KLHL29: variants seen among roughly 807,000 people sequenced by gnomAD.
KLHL29 encodes the protein kelch like family member 29.
In KLHL29, 21 loss-of-function variants were observed where a neutral mutation model predicts 80.4. That is an observed-to-expected ratio of 0.26 (90% confidence interval 0.19 to 0.38). The LOEUF is 0.38. Ranked by LOEUF, KLHL29 falls within the 10% of genes least tolerant of loss-of-function variation. The probability of loss-of-function intolerance (pLI) is 1.00; values close to 1 mark genes in which losing one functional copy is unlikely to be tolerated. For synonymous variants in KLHL29, 511 were observed against 526.8 expected (o/e 0.97, Z 0.41); for missense variants, 867 against 1,223.9 (o/e 0.71, Z 4.35).
At chr2:23,632,892 T>C (rs1669506361) in intron 3 of KLHL29, among the ~76,000 whole-genome samples, 1 of 152,100 alleles carries the variant, frequency 6.6e-6, no homozygotes, top group Non-Finnish European at 1.5e-5. Context: ...CTCACCTAAG[T>C]GGGTTTGAGC....
intron 5 of KLHL29, among the ~76,000 whole-genome samples, chr2:23,670,853 C>A (rs1248804731): frequency 6.8e-6 from 1 of 147,572 alleles, no homozygotes; most frequent in East Asian, 2.1e-4. Context: ...GGGTCTTCCT[C>A]CTGGAAGACC....
At chr2:23,662,891 T>C (rs1381716681) in intron 5 of KLHL29, among the ~76,000 whole-genome samples, 1 of 152,128 alleles carries the variant, frequency 6.6e-6, no homozygotes, top group Non-Finnish European at 1.5e-5. Context: ...AAGCCGTAAA[T>C]GCAAGGCTTT....
At chr2:23,678,127 G>A (rs758764823) in intron 5 of KLHL29, among the ~76,000 whole-genome samples, 38 of 152,154 alleles carry the variant, frequency 2.5e-4, no homozygotes, top group African/African-American at 8.9e-4. Context: ...AACTTGTGTC[G>A]TTTGGTGAAA....
At chr2:23,600,378 A>C (rs995685456) in intron 3 of KLHL29, among the ~76,000 whole-genome samples, 1 of 152,202 alleles carries the variant, frequency 6.6e-6, no homozygotes, top group Admixed American at 6.5e-5. Flanking sequence ...CACTGTTGTT[A>C]AAACATGGAC....
At chr2:23,466,783 A>G (rs780638860) in intron 1 of KLHL29, among the ~76,000 whole-genome samples, 134 of 152,354 alleles carry the variant, frequency 8.8e-4, no homozygotes, top group Non-Finnish European at 9.1e-4. Flanking sequence ...TCAAGCTTGA[A>G]AAATAATGCA....
intron 3 of KLHL29, among the ~76,000 whole-genome samples, chr2:23,566,216 T>A (rs1024275424): frequency 3.3e-5 from 5 of 151,816 alleles, no homozygotes; most frequent in Non-Finnish European, 7.4e-5. Context: ...ACAGGGAGGG[T>A]CTGGTGGGCT....
intron 3 of KLHL29, among the ~76,000 whole-genome samples, chr2:23,563,381 G>A (rs111514378): frequency 3.3e-5 from 5 of 152,334 alleles, no homozygotes; most frequent in East Asian, 1.9e-4. Context: ...CTTCCTCACC[G>A]AGCAGGGGCT....
intron 11 of KLHL29, among the ~76,000 whole-genome samples, chr2:23,699,594 G>T (rs1271609536): frequency 6.6e-6 from 1 of 152,186 alleles, no homozygotes; most frequent in Non-Finnish European, 1.5e-5. Flanking sequence ...CCCCTGTCTT[G>T]TCTGGCACTC....
intron 2 of KLHL29, among the ~76,000 whole-genome samples, chr2:23,558,702 GC>G (rs1430077068): frequency 2.0e-5 from 3 of 152,200 alleles, no homozygotes; most frequent in African/African-American, 7.2e-5. Context: ...CCACGCCCAG[GC>G]TAAGGTAGGA....
Position 23,682,662 on chromosome 2 carries a change from G to A in KLHL29, c.941-1737G>A, listed in dbSNP as rs1301397168. 1.3e-5 allele frequency among the ~76,000 whole-genome samples: 2 copies of A among 151,442 alleles called. No individual in the cohort carries two copies. The highest frequency in any genetic ancestry group is 6.6e-5 in the Admixed American group (1 of 15,218). ...TTTGTCCACCTGCACCTGCCCCCTCGTGCTCCTGCACCCTCCCACACCCTC... is the reference window on the plus strand; with the variant it reads ...TTTGTCCACCTGCACCTGCCCCCTCATGCTCCTGCACCCTCCCACACCCTC... On this transcript the variant is annotated intron_variant, in intron 5 of 13. Coordinates refer to ENST00000486442, the MANE Select transcript of KLHL29 (RefSeq NM_052920.2). This position sits in a 1 kb window ranked among gnomAD's most constrained non-coding sequence, Gnocchi z 4.1.
chr2:23,533,811 GT>G (rs1666577513), intron 2 of KLHL29, among the ~76,000 whole-genome samples: 1 of 152,154 alleles, frequency 6.6e-6, no homozygotes, highest in Non-Finnish European at 1.5e-5. Context: ...AGCTAACTCT[GT>G]TTTCAACCTT....
At chr2:23,595,368 C>A (rs1025156072) in intron 3 of KLHL29, among the ~76,000 whole-genome samples, 1 of 152,238 alleles carries the variant, frequency 6.6e-6, no homozygotes, top group African/African-American at 2.4e-5. Flanking sequence ...GAGGTCCCAG[C>A]ATGTTAACTA....
rs72848065 is a variant in KLHL29, at chr2:23,494,935, C to A, written c.-46+19268C>A. Reference sequence around the variant, plus strand: ...GATGAAGCGACAGTGCTCCTTTCGTCGCCGTAAGCCAATCTCTCCTTCCCA... The same window carrying A: ...GATGAAGCGACAGTGCTCCTTTCGTAGCCGTAAGCCAATCTCTCCTTCCCA... On this transcript the variant is annotated intron_variant, in intron 2 of 13. Transcript: ENST00000486442. 3.9e-5 allele frequency among the ~76,000 whole-genome samples: 6 copies of A among 152,218 alleles called. No homozygotes were observed. The South Asian group carries it at 1.2e-3, about 32-fold the overall frequency.
At chr2:23,550,576 C>T (rs758615809) in intron 2 of KLHL29, among the ~76,000 whole-genome samples, 8 of 152,148 alleles carry the variant, frequency 5.3e-5, no homozygotes, top group Non-Finnish European at 7.3e-5. Flanking sequence ...AAAGAGTGGT[C>T]GAGTCTCTCC....
chr2:23,548,906 G>T (rs568919707), intron 2 of KLHL29, among the ~76,000 whole-genome samples: 2 of 152,314 alleles, frequency 1.3e-5, no homozygotes, highest in East Asian at 3.9e-4. Flanking sequence ...GGAAGATCTG[G>T]ATTCTAATTC....
At chr2:23,573,529 C>T (rs1047937330) in intron 3 of KLHL29, among the ~76,000 whole-genome samples, 1 of 152,178 alleles carries the variant, frequency 6.6e-6, no homozygotes, top group Non-Finnish European at 1.5e-5. Flanking sequence ...CAGCTGGCTG[C>T]GTACAGGTTC....
chr2:23,557,145 C>T (rs4284788), intron 2 of KLHL29, among the ~76,000 whole-genome samples: 59,308 of 152,056 alleles, frequency 0.39, 13,137 homozygotes, highest in Non-Finnish European at 0.49. Context: ...TCTCGTCTAA[C>T]GTACCTCATC....
intron 1 of KLHL29, among the ~76,000 whole-genome samples, chr2:23,452,912 C>CCCCCACA (rs1553325470): frequency 6.7e-6 from 1 of 150,162 alleles, no homozygotes; most frequent in African/African-American, 2.4e-5. Flanking sequence ...ACCCCCCCGC[C>CCCCCACA]CACACACACA....
chr2:23,543,835 A>G (rs11686973), intron 2 of KLHL29, among the ~76,000 whole-genome samples: 89,176 of 152,004 alleles, frequency 0.59, 28,481 homozygotes, highest in East Asian at 0.96. Context: ...TCCCTCCACC[A>G]CTCCAGATGC....
Sources: gnomAD v4.1 joint callset for allele counts (sites outside exome capture counted in the v4.1 genomes callset) on GRCh38, gnomAD v4.1.1 for gene constraint, Gnocchi (gnomAD v3.1) non-coding constraint, MANE v1.5 for transcripts, NCBI Gene and HGNC (gene_info 2026-07-23, HGNC 2026-07-21) for gene names.